The following RARB variants were observed in gnomAD, a reference collection of about 807,000 sequenced individuals.
RARB encodes HBV-activated protein.
In RARB, 17 loss-of-function variants were observed where a neutral mutation model predicts 51.9. The ratio of observed to expected loss-of-function variants is 0.33; its 90% CI spans 0.22 to 0.49. The LOEUF is 0.49. RARB is among the 20% of genes least tolerant of loss of function. The pLI is 0.99. For missense variants in RARB, 369 were observed against 550.8 expected, an observed-to-expected ratio of 0.67 and a Z score of 3.30; for synonymous variants, 215 against 195.4, an observed-to-expected ratio of 1.10 and a Z score of -0.84.
chr3:25,471,080 CTAAT>C (rs1419763756), intron 2 of RARB, among the ~76,000 whole-genome samples: 1 of 152,108 alleles, frequency 6.6e-6, no homozygotes, highest in Non-Finnish European at 1.5e-5. Flanking sequence ...TACATTTTAT[CTAAT>C]TATATAATGA....
intron 1 of RARB, among the ~76,000 whole-genome samples, chr3:25,440,012 G>A (rs2125526863): frequency 6.6e-6 from 1 of 152,086 alleles, no homozygotes; most frequent in African/African-American, 2.4e-5. Context: ...GTTTTGTTTT[G>A]GTTTTTTTCT....
At chr3:24,838,843 T>C (rs1046197387) in intron 1 of RARB, among the ~76,000 whole-genome samples, 4 of 151,828 alleles carry the variant, frequency 2.6e-5, no homozygotes, top group South Asian at 2.1e-4. Context: ...TTTGGAGCAA[T>C]TTCAGCCTAG....
intron 5 of RARB, among the ~76,000 whole-genome samples, chr3:25,247,554 G>C (rs895579898): frequency 6.6e-5 from 10 of 152,158 alleles, no homozygotes; most frequent in African/African-American, 2.4e-4. Flanking sequence ...GTCCCTCACA[G>C]ATTCCCTTGT....
intron 2 of RARB, among the ~76,000 whole-genome samples, chr3:25,017,675 G>A (rs1370478610): frequency 6.6e-6 from 1 of 152,142 alleles, no homozygotes; most frequent in African/African-American, 2.4e-5. Context: ...TTTCTCTTAA[G>A]GTAGACTAAA....
chr3:24,978,714 A>ATTTT (rs551997715), intron 2 of RARB, among the ~76,000 whole-genome samples: 7 of 146,286 alleles, frequency 4.8e-5, no homozygotes, highest in Admixed American at 2.7e-4. Flanking sequence ...TCCTGGATTG[A>ATTTT]TTTTTTTTTT....
At chr3:25,121,860 C>G (rs1378422193) in intron 3 of RARB, among the ~76,000 whole-genome samples, 1 of 152,114 alleles carries the variant, frequency 6.6e-6, no homozygotes. Context: ...TTTGGAGGTT[C>G]ATTGAGCTTT....
At chr3:25,111,100 G>A (rs1580815) in intron 3 of RARB, among the ~76,000 whole-genome samples, 2,558 of 152,098 alleles carry the variant, frequency 0.017, 75 homozygotes, top group African/African-American at 0.059. Flanking sequence ...ATACTTGTAC[G>A]GCTATGACAG....
chr3:25,246,425 T>C (rs939087880), intron 5 of RARB, among the ~76,000 whole-genome samples: 2 of 152,178 alleles, frequency 1.3e-5, no homozygotes, highest in African/African-American at 2.4e-5. Context: ...ATTTTCCGCC[T>C]TTTTGTGCTT....
At chr3:25,450,221 C>T (rs1709131392) in intron 1 of RARB, among the ~76,000 whole-genome samples, 1 of 152,184 alleles carries the variant, frequency 6.6e-6, no homozygotes, top group East Asian at 1.9e-4. Context: ...CTGTTGTTTT[C>T]TGTGGTGACC....
At chr3:24,919,940 T>A (rs1281248745) in intron 2 of RARB, among the ~76,000 whole-genome samples, 2 of 152,170 alleles carry the variant, frequency 1.3e-5, no homozygotes. Flanking sequence ...TGCCTACAAA[T>A]TAAAATACGT....
intron 5 of RARB, among the ~76,000 whole-genome samples, chr3:25,414,735 T>C (rs899011962): frequency 2.6e-5 from 4 of 152,262 alleles, no homozygotes; most frequent in African/African-American, 7.2e-5. Flanking sequence ...GTGACATTTC[T>C]GTTCAAATTG....
intron 3 of RARB, among the ~76,000 whole-genome samples, chr3:25,542,223 A>G (rs747505126): frequency 6.6e-6 from 1 of 152,142 alleles, no homozygotes; most frequent in Non-Finnish European, 1.5e-5. Flanking sequence ...GGGTGTTGAA[A>G]GAAGGAGAGC....
chr3:25,557,761 A>G (rs1286671038), intron 3 of RARB, among the ~76,000 whole-genome samples: 2 of 152,084 alleles, frequency 1.3e-5, no homozygotes, highest in African/African-American at 4.8e-5. Context: ...TCTAAACAGC[A>G]ACCCCTAATA....
intron 5 of RARB, among the ~76,000 whole-genome samples, chr3:25,413,836 G>T (rs1707631467): frequency 6.6e-6 from 1 of 152,170 alleles, no homozygotes; most frequent in Middle Eastern, 3.4e-3. Flanking sequence ...AAGGATTATT[G>T]TCTGTAGCAC....
At chr3:25,101,705 T>C (rs1452107951) in intron 3 of RARB, among the ~76,000 whole-genome samples, 27 of 152,064 alleles carry the variant, frequency 1.8e-4, no homozygotes, top group Non-Finnish European at 3.7e-4. Context: ...TCTTGATTCT[T>C]TCCATAGATG....
rs116386381 is a variant in RARB, at chr3:25,459,484, T to A, written c.158-1709T>A. 6.5e-3 allele frequency among the ~76,000 whole-genome samples: 994 copies of A among 152,336 alleles called. 9 individuals are homozygous for A. Among genetic ancestry groups the A allele is most frequent in the African/African-American group, 0.023 (942 of 41,574 alleles). On this transcript the variant is annotated intron_variant, in intron 1 of 7. Transcript: ENST00000330688. ...TCTAATTGGTGACTATTGGAGGGCT[T>A]TAGATAGGCGAGTGAAACAGATGGA... is the stretch of plus-strand genomic sequence containing the variant.
intron 2 of RARB, among the ~76,000 whole-genome samples, chr3:24,933,268 A>G (rs1222269052): frequency 6.7e-6 from 1 of 149,976 alleles, no homozygotes; most frequent in East Asian, 1.9e-4. Flanking sequence ...AACCATAACT[A>G]TATTTCACTA....
intron 1 of RARB, among the ~76,000 whole-genome samples, chr3:25,448,895 C>G (rs181317049): frequency 6.6e-6 from 1 of 152,252 alleles, no homozygotes; most frequent in South Asian, 2.1e-4. Flanking sequence ...CCTCCACCCC[C>G]GCAATCCCCA....
At position 25,562,812 on chromosome 3, in the gene RARB, A is replaced by T. The variant is rs1267493274; in HGVS notation, c.449-6946A>T. Among the ~76,000 whole-genome samples the T allele has an allele frequency of 4.6e-5, 7 of 152,350 alleles. No homozygotes were observed. The East Asian group carries it at 1.3e-3, about 29-fold the overall frequency. On this transcript the variant is annotated intron_variant, in intron 3 of 7. Transcript: ENST00000330688. Reference sequence around the variant, plus strand: ...ACCAGCCCAGACAGAGGAGGGAAAAAGTATTTGAAAGACTGTCCACACAAG... The same window carrying T: ...ACCAGCCCAGACAGAGGAGGGAAAATGTATTTGAAAGACTGTCCACACAAG...
Sources: allele counts gnomAD v4.1 joint callset (sites outside exome capture counted in the v4.1 genomes callset), GRCh38; gene constraint gnomAD v4.1.1; transcripts MANE v1.5; gene names NCBI Gene and HGNC (gene_info 2026-07-23, HGNC 2026-07-21).